The following SV2B variants were observed in gnomAD, a reference collection of about 807,000 sequenced individuals.
SV2B encodes the protein solute carrier family 22 member B2.
In SV2B, 41 loss-of-function variants were observed where a neutral mutation model predicts 73.9. The ratio of observed to expected loss-of-function variants is 0.56; its 90% CI spans 0.43 to 0.72. SV2B has a LOEUF of 0.72. Among genes scored for constraint, SV2B ranks in the 30% least tolerant of loss-of-function variants. The probability of loss-of-function intolerance (pLI) is 0.00; values close to 1 mark genes in which losing one functional copy is unlikely to be tolerated. For missense variants in SV2B, 764 were observed against 857.8 expected (o/e 0.89, Z 1.37); for synonymous variants, 314 against 314.2 (o/e 1.00, Z 0.01).
chr15:91,176,761 G>A (rs1195502004), intron 1 of SV2B, among the ~76,000 whole-genome samples: 1 of 151,424 alleles, frequency 6.6e-6, no homozygotes, highest in Non-Finnish European at 1.5e-5. Flanking sequence ...TTGTAAATTT[G>A]TTTGAGTTCA....
chr15:91,264,103 C>G (rs1215472527), intron 6 of SV2B, among the ~76,000 whole-genome samples: 1 of 152,244 alleles, frequency 6.6e-6, no homozygotes, highest in Non-Finnish European at 1.5e-5. Flanking sequence ...GTCAGCTCCT[C>G]CCCACTTGCG....
At chr15:91,135,178 C>T (rs1483645132) in intron 1 of SV2B, among the ~76,000 whole-genome samples, 2 of 152,068 alleles carry the variant, frequency 1.3e-5, no homozygotes, top group African/African-American at 2.4e-5. Context: ...ACAGATATAC[C>T]GTGTATCTTT....
At chr15:91,134,909 T>A (rs1035073078) in intron 1 of SV2B, among the ~76,000 whole-genome samples, 2 of 152,200 alleles carry the variant, frequency 1.3e-5, no homozygotes, top group Non-Finnish European at 2.9e-5. Flanking sequence ...TTCGTTCTAA[T>A]GCAGAGGTGG....
intron 1 of SV2B, among the ~76,000 whole-genome samples, chr15:91,135,012 T>C (rs972469284): frequency 8.0e-6 from 1 of 124,406 alleles, no homozygotes; most frequent in African/African-American, 2.7e-5. Flanking sequence ...TTTTTTTTTT[T>C]ATTTTGAGAC....
chr15:91,223,803 G>A lies in SV2B; in HGVS notation c.-391-2070G>A, dbSNP rs995052286. ...TGAAAAATCGGAAAGAGTAGAGTGC[G>A]AATCATTTCTTAGTAAGTATTTCTT... is the stretch of plus-strand genomic sequence containing the variant. On this transcript the variant is annotated intron_variant, in intron 1 of 12. Transcript: ENST00000394232. This position sits in a 1 kb window ranked among gnomAD's most constrained non-coding sequence, Gnocchi z 4.6. 6.6e-6 allele frequency among the ~76,000 whole-genome samples: 1 copy of A among 152,164 alleles called. No homozygotes were observed. Among genetic ancestry groups the A allele is most frequent in the Admixed American group, 6.5e-5 (1 of 15,282 alleles).
rs1003341059 is a variant in SV2B, at chr15:91,261,491, C to T, written c.1008+1082C>T. 2.0e-5 allele frequency among the ~76,000 whole-genome samples: 3 copies of T among 152,160 alleles called. No individual in the cohort carries two copies. The highest frequency in any genetic ancestry group is 4.2e-4 in the South Asian group (2 of 4,802). Reference sequence around the variant, plus strand: ...GTTTATCCAGTTTTACTACCTTGTTCCTGTAAATATTAGTGCAATGAACCT... The same window carrying T: ...GTTTATCCAGTTTTACTACCTTGTTTCTGTAAATATTAGTGCAATGAACCT... On this transcript the variant is annotated intron_variant, in intron 6 of 12. Coordinates refer to ENST00000394232, the MANE Select transcript of SV2B (RefSeq NM_001323032.3). This position sits in a 1 kb window ranked among gnomAD's most constrained non-coding sequence, Gnocchi z 4.7.
chr15:91,163,536 G>T (rs1196425885), intron 1 of SV2B, among the ~76,000 whole-genome samples: 1 of 152,170 alleles, frequency 6.6e-6, no homozygotes, highest in African/African-American at 2.4e-5. Flanking sequence ...ATTTTTTCAT[G>T]TGTCTGTTGG....
chr15:91,172,015 A>C (rs2044138927), intron 1 of SV2B, among the ~76,000 whole-genome samples: 4 of 152,184 alleles, frequency 2.6e-5, no homozygotes, highest in African/African-American at 7.2e-5. Flanking sequence ...AATGTTGATT[A>C]TCATCATTGT....
intron 6 of SV2B, among the ~76,000 whole-genome samples, chr15:91,262,375 T>C (rs57744962): frequency 6.6e-6 from 1 of 152,380 alleles, no homozygotes; most frequent in African/African-American, 2.4e-5. Flanking sequence ...GTTATAAATT[T>C]TATGGAAAAT....
At chr15:91,233,430 C>T (rs1244689779) in intron 2 of SV2B, among the ~76,000 whole-genome samples, 2 of 152,192 alleles carry the variant, frequency 1.3e-5, no homozygotes, top group Non-Finnish European at 2.9e-5. Context: ...TTGAAAGCTT[C>T]TGTGTTTCCC....
Position 91,232,347 on chromosome 15 carries a change from C to T in SV2B, c.451+5633C>T, listed in dbSNP as rs534557080. Among the ~76,000 whole-genome samples, 1 of 152,272 alleles carries T rather than the reference C, an allele frequency of 6.6e-6. No homozygotes were observed. Reference sequence around the variant, plus strand: ...TGATTACTTGATGCTCTTGTGAGAACAAAAACCATCAGAAGAAATAGAATA... The same window carrying T: ...TGATTACTTGATGCTCTTGTGAGAATAAAAACCATCAGAAGAAATAGAATA... On this transcript the variant is annotated intron_variant, in intron 2 of 12. Coordinates refer to ENST00000394232, the MANE Select transcript of SV2B (RefSeq NM_001323032.3). This position sits in a 1 kb window ranked among gnomAD's most constrained non-coding sequence, Gnocchi z 4.7.
chr15:91,127,011 A>G (rs1367671804), intron 1 of SV2B, among the ~76,000 whole-genome samples: 1 of 152,248 alleles, frequency 6.6e-6, no homozygotes, highest in African/African-American at 2.4e-5. Context: ...TTGGAATGAA[A>G]GAACTTGGAC....
In SV2B at chr15:91,283,338, A is replaced by G. The variant is rs1474957865; in HGVS notation, c.1508-683A>G. Among the ~76,000 whole-genome samples the G allele has an allele frequency of 2.6e-5, 4 of 152,140 alleles. No individual in the cohort carries two copies. Among genetic ancestry groups the G allele is most frequent in the Admixed American group, 2.6e-4 (4 of 15,270 alleles). ...CAACTCTCTTGTGTTCTGCTCCCCT[A>G]TGCCAGGTAGCCTCCAAGGAGAGGC... On this transcript the variant is annotated intron_variant, in intron 10 of 12. Coordinates refer to ENST00000394232, the MANE Select transcript of SV2B (RefSeq NM_001323032.3). This position sits in a 1 kb window ranked among gnomAD's most constrained non-coding sequence, Gnocchi z 4.3.
intron 2 of SV2B, among the ~76,000 whole-genome samples, chr15:91,246,567 G>A (rs915601178): frequency 2.0e-5 from 3 of 152,224 alleles, no homozygotes; most frequent in African/African-American, 7.2e-5. Context: ...TGGCCCAGAT[G>A]TCTCAGTCTC....
rs79361314 is a variant in SV2B at position 91,172,537 on chromosome 15, C to T, written c.-391-53336C>T. Among the ~76,000 whole-genome samples the T allele has an allele frequency of 6.5e-3, 983 of 152,306 alleles. 15 individuals carry two copies. Among genetic ancestry groups the T allele is most frequent in the African/African-American group, 0.022 (926 of 41,572 alleles). On this transcript the variant is annotated intron_variant, in intron 1 of 12. Transcript: ENST00000394232. Reference sequence around the variant, plus strand: ...TCAGAACAGAGGGCACAGAGGGAGGCACGAAAGAGGAGGACTGGGTGCAGG... The same window carrying T: ...TCAGAACAGAGGGCACAGAGGGAGGTACGAAAGAGGAGGACTGGGTGCAGG...
intron 1 of SV2B, among the ~76,000 whole-genome samples, chr15:91,125,772 C>T (rs936401378): frequency 2.0e-5 from 1 of 49,386 alleles, no homozygotes; most frequent in Non-Finnish European, 6.0e-5. Flanking sequence ...GAGACCCTGT[C>T]TCAAGGGGCA....
intron 1 of SV2B, among the ~76,000 whole-genome samples, chr15:91,181,482 G>A (rs186333153): frequency 2.6e-5 from 4 of 151,910 alleles, no homozygotes; most frequent in East Asian, 2.0e-4. Context: ...TTGTTTCGCC[G>A]TGAATTTTCT....
Position 91,283,592 on chromosome 15 carries a change from C to A in SV2B, c.1508-429C>A, listed in dbSNP as rs2048752198. Among the ~76,000 whole-genome samples, 1 of 152,110 alleles carries A rather than the reference C, an allele frequency of 6.6e-6. No homozygotes were observed. Among genetic ancestry groups the A allele is most frequent in the Non-Finnish European group, 1.5e-5 (1 of 68,018 alleles). ...CTGGGACTACAGGCACACACCACCCCACCTAGCTAATTTAAAAGAAAATTT... is the reference window on the plus strand; with the variant it reads ...CTGGGACTACAGGCACACACCACCCAACCTAGCTAATTTAAAAGAAAATTT... On this transcript the variant is annotated intron_variant, in intron 10 of 12. Transcript: ENST00000394232. The surrounding 1 kb of genome is among the most constrained non-coding windows in gnomAD (Gnocchi z 4.3).
chr15:91,181,655 A>G (rs2044575426), intron 1 of SV2B, among the ~76,000 whole-genome samples: 3 of 152,136 alleles, frequency 2.0e-5, no homozygotes, highest in Non-Finnish European at 2.9e-5. Flanking sequence ...TTATCTGTAA[A>G]TAATGACTCA....
Sources: allele counts gnomAD v4.1 joint callset (sites outside exome capture counted in the v4.1 genomes callset), GRCh38; gene constraint gnomAD v4.1.1; non-coding constraint Gnocchi (gnomAD v3.1); transcripts MANE v1.5; gene names NCBI Gene and HGNC (gene_info 2026-07-23, HGNC 2026-07-21).